QSER1: variants seen among roughly 807,000 people sequenced by gnomAD.
QSER1 encodes the protein glutamine and serine rich 1.
A neutral mutation model predicts 158.5 loss-of-function variants in QSER1; 49 were observed. That is an observed-to-expected ratio of 0.31 (90% confidence interval 0.25 to 0.39). QSER1 has a LOEUF of 0.39. QSER1 is among the 10% of genes least tolerant of loss of function. QSER1 has a pLI of 1.00. For synonymous variants in QSER1, 650 were observed against 715.5 expected, an observed-to-expected ratio of 0.91 and a Z score of 1.46; for missense variants, 1,754 against 2,010.3, an observed-to-expected ratio of 0.87 and a Z score of 2.44.
intron 8 of QSER1, among the ~76,000 whole-genome samples, chr11:32,964,623 AGAGGCTGAGACAGGAGGATCACTT>A (rs1179694748): frequency 1.3e-5 from 2 of 150,260 alleles, no homozygotes; most frequent in Non-Finnish European, 3.0e-5. Context: ...CAGCACTTTC[AGAGGCTGAGACAGGAGGATCACTT>A]GAGGCTGAGA....
At chr11:32,973,318 C>CCTCTCTGCAAATAGGTG in intron 10 of QSER1, 79 bp from the exon 11 acceptor site, 1 of 1,482,554 alleles carries the variant, frequency 6.7e-7, no homozygotes, top group East Asian at 2.3e-5. Context: ...TGCACACACA[C>CCTCTCTGCAAATAGGTG]TTCTAAATTT....
intron 4 of QSER1, among the ~76,000 whole-genome samples, chr11:32,951,190 C>T (rs1281656946): frequency 6.6e-6 from 1 of 152,182 alleles, no homozygotes; most frequent in Non-Finnish European, 1.5e-5. Flanking sequence ...GGATGGTTAA[C>T]TATTCTTTCT....
chr11:32,954,935 C>T (rs1852486441), intron 5 of QSER1, among the ~76,000 whole-genome samples: 1 of 152,196 alleles, frequency 6.6e-6, no homozygotes, highest in Admixed American at 6.5e-5. Context: ...TCACAGTTAA[C>T]TACTTTTAAT....
chr11:32,963,305 A>T (rs1173517647), intron 8 of QSER1, among the ~76,000 whole-genome samples: 2 of 151,496 alleles, frequency 1.3e-5, no homozygotes, highest in Admixed American at 1.3e-4. Flanking sequence ...ACAGGCGCTA[A>T]TTTTTTTGTA....
intron 1 of QSER1, among the ~76,000 whole-genome samples, chr11:32,924,574 A>G (rs1275789812): frequency 1.3e-5 from 2 of 151,770 alleles, no homozygotes; most frequent in Non-Finnish European, 2.9e-5. Context: ...AAAAAAAAAA[A>G]AAAAAGGAAT....
At chr11:32,975,534 C>T (rs1269286911) in intron 12 of QSER1, 191 bp downstream of exon 12, 7 of 1,441,428 alleles carry the variant, frequency 4.9e-6, no homozygotes, top group Non-Finnish European at 6.4e-6. Flanking sequence ...TCAGATTTAC[C>T]CGAGCCTCAC....
At chr11:32,899,092 A>G (rs1318662209) in intron 1 of QSER1, among the ~76,000 whole-genome samples, 1 of 152,250 alleles carries the variant, frequency 6.6e-6, no homozygotes, top group Non-Finnish European at 1.5e-5. Context: ...TCTTAGAAAT[A>G]TATACCTATG....
At position 32,894,265 on chromosome 11, in the gene QSER1, C is replaced by A. The variant is rs1443879566; in HGVS notation, c.209+931C>A. Among the ~76,000 whole-genome samples, 4 of 152,240 alleles carry A rather than the reference C, an allele frequency of 2.6e-5. No individual in the cohort carries two copies. The South Asian group carries it at 6.2e-4, about 24-fold the overall frequency. Reference sequence around the variant, plus strand: ...GCTCGCGGGAAATGTGTAGTAGTGCCACACTGTGAAACGGTCCCATTTGAA... The same window carrying A: ...GCTCGCGGGAAATGTGTAGTAGTGCAACACTGTGAAACGGTCCCATTTGAA... On this transcript the variant is annotated intron_variant, in intron 1 of 12. Transcript: ENST00000650167.
rs1173090320 is a variant in QSER1 at position 32,892,943 on chromosome 11, T to C, written c.-183T>C. Among the ~76,000 whole-genome samples, 5 of 139,044 alleles carry C rather than the reference T, an allele frequency of 3.6e-5. No homozygotes were observed. Among genetic ancestry groups the C allele is most frequent in the Non-Finnish European group, 6.2e-5 (4 of 64,226 alleles). 91.2% of individuals were successfully genotyped at this position (139,044 alleles called of 152,430 possible). ...TCGCCGCCCGCCGCGGCCCGGGTCT[T>C]TGCGGCCCAGACTCGCCAGCGCGCC... On this transcript the variant is annotated 5_prime_UTR_variant, in exon 1 of 13. Transcript: ENST00000650167.
intron 8 of QSER1, among the ~76,000 whole-genome samples, chr11:32,960,686 G>A (rs1031094708): frequency 2.0e-5 from 3 of 152,152 alleles, no homozygotes; most frequent in African/African-American, 7.2e-5. Context: ...GAATCAAAAC[G>A]TTTGTTCTGA....
rs1012466984 is a variant in QSER1 at position 32,932,522 on chromosome 11, A to G, written c.1264A>G (p.Lys422Glu). Residue 422 changes from lysine to glutamate, a missense_variant, in exon 4 of 13, where the codon AAG (lysine) becomes GAG (glutamate). This residue lies in a region of QSER1 where 1,707 missense variants were observed against 1,919.6 expected (regional missense o/e 0.89). Transcript: ENST00000650167. ...CSTEQPLTST[K>E]TPKPQSIIPP... ...TACAGAACAACCACTGACATCAACC[A>G]AGACCCCTAAACCTCAAAGTATAAT... is the stretch of plus-strand genomic sequence containing the variant. 1 of 1,614,140 alleles carries G rather than the reference A, an allele frequency of 6.2e-7. No individual in the cohort carries two copies. Among genetic ancestry groups the G allele is most frequent in the Non-Finnish European group, 8.5e-7 (1 of 1,180,018 alleles).
chr11:32,909,351 C>T (rs1232043712), intron 1 of QSER1, among the ~76,000 whole-genome samples: 3 of 151,788 alleles, frequency 2.0e-5, no homozygotes, highest in South Asian at 2.1e-4. Context: ...ACAGCTTTAT[C>T]GATTTGATAT....
chr11:32,946,539 T>C (rs1292518665), intron 4 of QSER1, among the ~76,000 whole-genome samples: 1 of 152,238 alleles, frequency 6.6e-6, no homozygotes, highest in Non-Finnish European at 1.5e-5. Context: ...GCCTCCCAGT[T>C]AGGCTGCTCG....
rs61685246 is a variant in QSER1 at position 32,913,179 on chromosome 11, C to CTTTT, written c.210-13952_210-13949dup. Among the ~76,000 whole-genome samples, 19 of 54,354 alleles carry CTTTT rather than the reference C, an allele frequency of 3.5e-4. 4 individuals carry two copies. Among genetic ancestry groups the CTTTT allele is most frequent in the African/African-American group, 1.4e-3 (19 of 13,314 alleles). The allele number at this position is 54,354 out of a possible 152,430, so 35.7% of individuals were successfully genotyped here. A position where few individuals can be genotyped will look rare whatever the true frequency, so the allele number is the denominator to read the frequency against. ...TTTCCCTGGATAATTTCTCCTCTTC[C>CTTTT]TTTTTTTTTTTTTTTTTTTTTTTTT... is the stretch of plus-strand genomic sequence containing the variant. On this transcript the variant is annotated intron_variant, in intron 1 of 12. Coordinates refer to ENST00000650167, the MANE Select transcript of QSER1 (RefSeq NM_001076786.3).
chr11:32,957,050 C>CCA (rs1035929367), intron 7 of QSER1, among the ~76,000 whole-genome samples: 1 of 152,074 alleles, frequency 6.6e-6, no homozygotes, highest in Non-Finnish European at 1.5e-5. Context: ...CAGGCATGAG[C>CCA]CACCATACCC....
intron 4 of QSER1, among the ~76,000 whole-genome samples, chr11:32,936,992 G>C (rs1258052807): frequency 6.6e-6 from 1 of 152,162 alleles, no homozygotes; most frequent in African/African-American, 2.4e-5. Flanking sequence ...TCCTAATATG[G>C]TTTTATAACG....
chr11:32,942,855 C>T (rs953974071), intron 4 of QSER1, among the ~76,000 whole-genome samples: 84 of 152,224 alleles, frequency 5.5e-4, no homozygotes, highest in African/African-American at 1.9e-3. Flanking sequence ...TTGATTCTTC[C>T]TACCCATGAG....
In QSER1 at chr11:32,960,006, A is replaced by G. The variant is rs1246645384; in HGVS notation, c.4969+1920A>G. On this transcript the variant is annotated intron_variant, in intron 8 of 12. Coordinates refer to ENST00000650167, the MANE Select transcript of QSER1 (RefSeq NM_001076786.3). ...GATCTCAAACTCCTGGGCTCAAGCA[A>G]TCCTCCCACTTCGGCCTCCCAAAGT... Among the ~76,000 whole-genome samples the G allele has an allele frequency of 5.3e-5, 8 of 152,136 alleles. No homozygotes were observed. In the East Asian group the frequency reaches 1.2e-3, roughly 22 times the overall value.
At chr11:32,954,201 G>A in intron 5 of QSER1, 22 bp downstream of exon 5, 1 of 1,598,194 alleles carries the variant, frequency 6.3e-7, no homozygotes, top group Non-Finnish European at 8.5e-7. Context: ...GTTCACCAGT[G>A]TAAAGGTCAT....
Sources: allele counts gnomAD v4.1 joint callset (sites outside exome capture counted in the v4.1 genomes callset), GRCh38; gene constraint gnomAD v4.1.1; regional missense constraint gnomAD v4.1.1; transcripts MANE v1.5; gene names NCBI Gene and HGNC (gene_info 2026-07-23, HGNC 2026-07-21).